AGBL4: variants seen among roughly 807,000 people sequenced by gnomAD.
The protein encoded by AGBL4 is cytosolic carboxypeptidase 6.
A neutral mutation model predicts 66.4 loss-of-function variants in AGBL4; 58 were observed. The observed-to-expected ratio is 0.87, with a 90% CI of 0.71 to 1.09. AGBL4 has a LOEUF of 1.09. AGBL4 is among the 50% of genes least tolerant of loss of function. The pLI is 0.00. For missense variants in AGBL4, 579 were observed against 631.0 expected (o/e 0.92, Z 0.88); for synonymous variants, 234 against 222.9 (o/e 1.05, Z -0.44).
At chr1:49,253,755 C>T (rs548977880) in intron 3 of AGBL4, among the ~76,000 whole-genome samples, 3 of 151,382 alleles carry the variant, frequency 2.0e-5, no homozygotes, top group Non-Finnish European at 4.4e-5. Flanking sequence ...AACACTGACG[C>T]AAAAATCCTC....
chr1:49,725,682 GTT>G (rs58294452), intron 2 of AGBL4, among the ~76,000 whole-genome samples: 10 of 119,056 alleles, frequency 8.4e-5, no homozygotes, highest in Admixed American at 1.8e-4. Context: ...TCCTTTGTGG[GTT>G]TTTTTTTTTT....
rs1380269805 is a variant in AGBL4, at chr1:49,686,801, C to T, written c.282+10512G>A. On this transcript the variant is annotated intron_variant, in intron 3 of 13. Coordinates refer to ENST00000371839, the MANE Select transcript of AGBL4 (RefSeq NM_032785.4). The stretch of plus-strand genomic sequence containing the variant: ...TGCAATTGTTTTGTGTATATTATCT[C>T]AGGTAGGTAGGAAACTGAAACAGAG... 2.6e-5 allele frequency among the ~76,000 whole-genome samples: 4 copies of T among 152,218 alleles called. No individual in the cohort carries two copies. The East Asian group carries it at 7.7e-4, about 29-fold the overall frequency.
At chr1:48,531,866 C>T (rs927628481), downstream of AGBL4, among the ~76,000 whole-genome samples, 3 of 152,252 alleles carry the variant, frequency 2.0e-5, no homozygotes, top group African/African-American at 7.2e-5. Context: ...TCACTGCAAC[C>T]TTCACCTCCC....
chr1:49,618,010 C>A (rs1323438876), intron 3 of AGBL4, among the ~76,000 whole-genome samples: 2 of 152,160 alleles, frequency 1.3e-5, no homozygotes, highest in African/African-American at 4.8e-5. Flanking sequence ...CCCCAGCCTC[C>A]CAACACCCGA....
chr1:49,248,731 T>C (rs992246220), intron 3 of AGBL4, among the ~76,000 whole-genome samples: 1 of 152,182 alleles, frequency 6.6e-6, no homozygotes, highest in Non-Finnish European at 1.5e-5. Context: ...GTAAATCACC[T>C]GGCATATTGT....
rs149126452 is a variant in AGBL4 at position 48,794,435 on chromosome 1, G to A, written c.634+72756C>T. On this transcript the variant is annotated intron_variant, in intron 6 of 13. Transcript: ENST00000371839. ...CTACCTTCTCTCCTCCTCTGGGAAA[G>A]CAGAAGTTTTTGGAAGAAAGTGCTA... 8.4e-3 allele frequency among the ~76,000 whole-genome samples: 1,278 copies of A among 152,214 alleles called. 11 individuals carry two copies. The highest frequency in any genetic ancestry group is 0.011 in the Admixed American group (162 of 15,284).
intron 6 of AGBL4, among the ~76,000 whole-genome samples, chr1:48,818,632 G>T (rs1402518923): frequency 6.6e-6 from 1 of 151,954 alleles, no homozygotes; most frequent in Non-Finnish European, 1.5e-5. Context: ...TTACTTGATG[G>T]AATATTATCT....
chr1:49,200,539 G>A (rs1647605791), intron 4 of AGBL4, among the ~76,000 whole-genome samples: 1 of 152,164 alleles, frequency 6.6e-6, no homozygotes, highest in Admixed American at 6.6e-5. Context: ...GAAAGCACAG[G>A]TTGTGGCCTG....
At chr1:49,492,667 G>A (rs560865008) in intron 3 of AGBL4, among the ~76,000 whole-genome samples, 2 of 152,104 alleles carry the variant, frequency 1.3e-5, no homozygotes, top group African/African-American at 2.4e-5. Context: ...GCTTCCCCAT[G>A]TAAGTACAGC....
At chr1:48,811,725 T>C (rs1646055278) in intron 6 of AGBL4, among the ~76,000 whole-genome samples, 1 of 152,070 alleles carries the variant, frequency 6.6e-6, no homozygotes, top group South Asian at 2.1e-4. Flanking sequence ...TTCTGTGAGG[T>C]CCAACCCTCT....
intron 3 of AGBL4, among the ~76,000 whole-genome samples, chr1:49,624,703 G>C (rs1019905723): frequency 7.9e-5 from 12 of 152,144 alleles, no homozygotes; most frequent in Admixed American, 1.3e-4. Context: ...CTTGAGGATA[G>C]AGCCAAGAGC....
intron 1 of AGBL4, among the ~76,000 whole-genome samples, chr1:49,934,256 C>T: frequency 6.6e-6 from 1 of 151,844 alleles, no homozygotes; most frequent in South Asian, 2.1e-4. Context: ...GATATCCAGA[C>T]AGAAAATCAA....
At chr1:49,888,692 A>C (rs2148161728) in intron 1 of AGBL4, among the ~76,000 whole-genome samples, 1 of 152,356 alleles carries the variant, frequency 6.6e-6, no homozygotes, top group South Asian at 2.1e-4. Context: ...AATAGATGAA[A>C]AAATAAATAT....
chr1:49,307,109 A>C (rs1429199344), intron 3 of AGBL4, among the ~76,000 whole-genome samples: 1 of 152,158 alleles, frequency 6.6e-6, no homozygotes, highest in Non-Finnish European at 1.5e-5. Context: ...CTGGAAAGTG[A>C]ATTTCCTATA....
chr1:48,631,719 G>A (rs1038745233), intron 9 of AGBL4, among the ~76,000 whole-genome samples: 1 of 152,098 alleles, frequency 6.6e-6, no homozygotes, highest in Non-Finnish European at 1.5e-5. Context: ...TAGACAGAGT[G>A]TACAATTTAT....
chr1:48,645,811 C>T (rs543228862), intron 8 of AGBL4, among the ~76,000 whole-genome samples: 7 of 152,226 alleles, frequency 4.6e-5, no homozygotes, highest in South Asian at 2.1e-4. Context: ...GTGGACACCC[C>T]GCCTCAAAGA....
intron 4 of AGBL4, among the ~76,000 whole-genome samples, chr1:49,078,803 G>A (rs746024983): frequency 6.1e-4 from 92 of 152,054 alleles, no homozygotes; most frequent in Non-Finnish European, 1.0e-3. Context: ...CCTTCACTGC[G>A]CAATTCAGTC....
intron 4 of AGBL4, among the ~76,000 whole-genome samples, chr1:49,054,199 G>C (rs1189914042): frequency 2.6e-5 from 4 of 151,952 alleles, no homozygotes; most frequent in Non-Finnish European, 5.9e-5. Flanking sequence ...TCCTCAATTA[G>C]CAGAAGAACT....
intron 6 of AGBL4, chr1:48,761,319 A>C: frequency 6.5e-7 from 1 of 1,540,612 alleles, no homozygotes; most frequent in Non-Finnish European, 8.8e-7. Context: ...CCTCCAAAGA[A>C]AGGAAAGATT....
Sources: allele counts gnomAD v4.1 joint callset (sites outside exome capture counted in the v4.1 genomes callset), GRCh38; gene constraint gnomAD v4.1.1; transcripts MANE v1.5; gene names NCBI Gene and HGNC (gene_info 2026-07-23, HGNC 2026-07-21).